Variants in DPP6 observed in about 807,000 individuals in gnomAD.
The protein encoded by DPP6 is dipeptidyl peptidase like 6.
A neutral mutation model predicts 122.6 loss-of-function variants in DPP6; 69 were observed. The observed-to-expected ratio is 0.56, with a 90% CI of 0.46 to 0.69. The LOEUF (loss-of-function observed/expected upper bound fraction) is 0.69. Ranked by LOEUF, DPP6 falls within the 30% of genes least tolerant of loss-of-function variation. DPP6 has a pLI of 0.00. For synonymous variants in DPP6, 418 were observed against 433.1 expected (o/e 0.97, Z 0.43); for missense variants, 928 against 1,116.9 (o/e 0.83, Z 2.41).
the DPP6 span, among the ~76,000 whole-genome samples, chr7:153,780,058 G>T: frequency 6.6e-6 from 1 of 151,588 alleles, no homozygotes; most frequent in Admixed American, 6.6e-5. Context: ...GGAGTACAGA[G>T]AAGAGTATAT....
At chr7:154,610,337 A>C (rs937005) in intron 5 of DPP6, among the ~76,000 whole-genome samples, 61,417 of 151,944 alleles carry the variant, frequency 0.4, 13,428 homozygotes, top group East Asian at 0.65. Context: ...AAATCTAGGT[A>C]AAAAATATCG....
intron 1 of DPP6, among the ~76,000 whole-genome samples, chr7:153,989,607 G>C (rs1797050905): frequency 1.3e-5 from 2 of 152,002 alleles, no homozygotes; most frequent in Admixed American, 6.5e-5. Context: ...GGAGGAAAAG[G>C]GGGGTGCTCA....
chr7:154,462,542 A>G (rs1434650638), intron 2 of DPP6, among the ~76,000 whole-genome samples: 4 of 151,948 alleles, frequency 2.6e-5, no homozygotes, highest in African/African-American at 4.8e-5. Flanking sequence ...TCTTTCATCA[A>G]TCTTTTATAG....
At chr7:153,923,760 C>CAAAAAAAAAA (rs1158548494) in intron 1 of DPP6, among the ~76,000 whole-genome samples, 4 of 46,788 alleles carry the variant, frequency 8.5e-5, no homozygotes, top group African/African-American at 9.6e-5. Context: ...GACTCCATCT[C>CAAAAAAAAAA]AAAAAAAAAA....
intron 3 of DPP6, among the ~76,000 whole-genome samples, chr7:154,482,155 G>C (rs1300212166): frequency 1.3e-5 from 2 of 152,358 alleles, no homozygotes; most frequent in Middle Eastern, 3.4e-3. Flanking sequence ...CTTCCAGGCA[G>C]GGTGGAACAA....
chr7:153,797,018 C>T, the DPP6 span, among the ~76,000 whole-genome samples: 34 of 152,164 alleles, frequency 2.2e-4, no homozygotes, highest in African/African-American at 8.2e-4. Flanking sequence ...TTGCAAGCTG[C>T]CCTGTGGAGG....
intron 16 of DPP6, among the ~76,000 whole-genome samples, chr7:154,853,575 C>G (rs1310519041): frequency 2.6e-5 from 4 of 152,234 alleles, no homozygotes; most frequent in Non-Finnish European, 5.9e-5. Context: ...GCAGTTAACA[C>G]AGGTGCAGAG....
intron 7 of DPP6, among the ~76,000 whole-genome samples, chr7:154,684,192 C>A (rs1379081674): frequency 1.3e-5 from 2 of 151,874 alleles, no homozygotes; most frequent in East Asian, 3.9e-4. Context: ...TAATCCCCCA[C>A]CCCTCACCCC....
At chr7:154,255,165 G>C (rs11767532) in intron 1 of DPP6, among the ~76,000 whole-genome samples, 1 of 152,088 alleles carries the variant, frequency 6.6e-6, no homozygotes, top group African/African-American at 2.4e-5. Context: ...GGGTCCGTCC[G>C]AGGGGTGGAG....
intron 18 of DPP6, among the ~76,000 whole-genome samples, chr7:154,871,116 G>A (rs1026380203): frequency 6.6e-6 from 1 of 152,164 alleles, no homozygotes; most frequent in Non-Finnish European, 1.5e-5. Flanking sequence ...CCCTTTCTGA[G>A]CTCCTTAGGC....
At chr7:154,137,523 G>T (rs1795617304) in intron 1 of DPP6, among the ~76,000 whole-genome samples, 1 of 151,734 alleles carries the variant, frequency 6.6e-6, no homozygotes, top group South Asian at 2.1e-4. Flanking sequence ...GGGTTACAGT[G>T]AGAAATATTA....
intron 1 of DPP6, among the ~76,000 whole-genome samples, chr7:154,420,065 G>A (rs1380562170): frequency 2.0e-5 from 3 of 152,184 alleles, no homozygotes; most frequent in East Asian, 1.9e-4. Flanking sequence ...AGGCCGGCAC[G>A]GTGGCTTTTG....
intron 1 of DPP6, among the ~76,000 whole-genome samples, chr7:153,942,652 C>T (rs1264945733): frequency 1.3e-5 from 2 of 152,204 alleles, no homozygotes; most frequent in African/African-American, 2.4e-5. Context: ...AGATGTACAT[C>T]TAGGCCTGTC....
intron 1 of DPP6, among the ~76,000 whole-genome samples, chr7:154,060,635 G>T (rs1425151353): frequency 6.9e-6 from 1 of 144,982 alleles, no homozygotes; most frequent in Admixed American, 6.8e-5. Context: ...CCCCATCGCA[G>T]GAGGGGGAGG....
At chr7:154,200,183 C>T (rs1799096342) in intron 1 of DPP6, among the ~76,000 whole-genome samples, 1 of 152,034 alleles carries the variant, frequency 6.6e-6, no homozygotes, top group Admixed American at 6.5e-5. Flanking sequence ...CTTTTTCTTT[C>T]CTGGCTCCTT....
chr7:154,615,106 G>A (rs1409175304), intron 5 of DPP6, among the ~76,000 whole-genome samples: 1 of 152,158 alleles, frequency 6.6e-6, no homozygotes, highest in East Asian at 1.9e-4. Context: ...GTTTTGCAGG[G>A]AGGCATATTG....
chr7:154,061,941 G>T (rs868014355), intron 1 of DPP6, among the ~76,000 whole-genome samples: 1 of 132,986 alleles, frequency 7.5e-6, no homozygotes, highest in East Asian at 2.1e-4. Flanking sequence ...CGCAGGAGGG[G>T]GAGGCAACCC....
At chr7:154,637,682 T>C in intron 5 of DPP6, 139 bp from the exon 6 acceptor site, 1 of 801,380 alleles carries the variant, frequency 1.2e-6, no homozygotes, top group South Asian at 2.2e-5. Context: ...CCTAAGTAAA[T>C]AAAAGACTTT....
At chr7:153,990,199 G>C (rs1445927309) in intron 1 of DPP6, among the ~76,000 whole-genome samples, 5 of 56,496 alleles carry the variant, frequency 8.9e-5, no homozygotes, top group African/African-American at 2.1e-4. Flanking sequence ...TCCAGCCAGA[G>C]TGAATCTCTT....
Sources: allele counts gnomAD v4.1 joint callset (sites outside exome capture counted in the v4.1 genomes callset), GRCh38; gene constraint gnomAD v4.1.1; transcripts MANE v1.5; gene names NCBI Gene and HGNC (gene_info 2026-07-23, HGNC 2026-07-21).